DOCK3: variants seen among roughly 807,000 people sequenced by gnomAD.
DOCK3 encodes the protein dedicator of cytokinesis protein 3.
Under a neutral mutation model 265.6 loss-of-function variants are expected in DOCK3, and 60 were observed. The observed-to-expected ratio is 0.23, with a 90% CI of 0.18 to 0.28. DOCK3 has a LOEUF of 0.28. DOCK3 is among the 10% of genes least tolerant of loss of function. The probability of loss-of-function intolerance (pLI) is 1.00; values close to 1 mark genes in which losing one functional copy is unlikely to be tolerated. For missense variants in DOCK3, 1,981 were observed against 2,594.3 expected (o/e 0.76, Z 5.14); for synonymous variants, 881 against 938.0 (o/e 0.94, Z 1.11).
At chr3:51,369,762 A>AT (rs991771216) in intron 49 of DOCK3, among the ~76,000 whole-genome samples, 1 of 152,176 alleles carries the variant, frequency 6.6e-6, no homozygotes, top group Non-Finnish European at 1.5e-5. Context: ...GCCTTGGCAG[A>AT]TTGTAGAGGG....
intron 4 of DOCK3, among the ~76,000 whole-genome samples, chr3:50,892,140 C>T (rs555286672): frequency 6.6e-6 from 1 of 152,128 alleles, no homozygotes; most frequent in South Asian, 2.1e-4. Flanking sequence ...ATTGGTTGGG[C>T]AAGATCTTGA....
intron 9 of DOCK3, among the ~76,000 whole-genome samples, chr3:51,122,624 G>C (rs1266625004): frequency 6.6e-6 from 1 of 152,114 alleles, no homozygotes; most frequent in Non-Finnish European, 1.5e-5. Context: ...TATTGATAAG[G>C]CTGAGCACCC....
intron 9 of DOCK3, 22 bp from the exon 10 acceptor site, chr3:51,146,527 A>G: frequency 1.3e-6 from 2 of 1,573,272 alleles, no homozygotes; most frequent in East Asian, 2.3e-5. Flanking sequence ...ATTTCTCTAT[A>G]TCTTTCTTTC....
intron 12 of DOCK3, among the ~76,000 whole-genome samples, chr3:51,204,907 A>G (rs1337706912): frequency 2.0e-5 from 3 of 152,066 alleles, no homozygotes; most frequent in Admixed American, 2.0e-4. Context: ...TCAGTAAACT[A>G]TCGCAAGAAC....
At chr3:51,262,065 T>C (rs1382735879) in intron 23 of DOCK3, among the ~76,000 whole-genome samples, 2 of 152,242 alleles carry the variant, frequency 1.3e-5, no homozygotes, top group African/African-American at 4.8e-5. Context: ...CGAGCTCTGC[T>C]AAGGGACAGA....
chr3:50,905,743 A>G (rs1370340869), intron 4 of DOCK3, among the ~76,000 whole-genome samples: 1 of 152,052 alleles, frequency 6.6e-6, no homozygotes, highest in Non-Finnish European at 1.5e-5. Context: ...TCCTAATTGA[A>G]TGCCCTTTAT....
chr3:51,314,103 A>T (rs1033068777), intron 31 of DOCK3, among the ~76,000 whole-genome samples: 2 of 152,176 alleles, frequency 1.3e-5, no homozygotes, highest in African/African-American at 4.8e-5. Context: ...TTATCTCCTC[A>T]ATAGTCTCTG....
At chr3:51,236,292 TTGTGCGTGTAAG>T in intron 19 of DOCK3, 41 bp from the exon 20 acceptor site, 2 of 1,320,590 alleles carry the variant, frequency 1.5e-6, no homozygotes, top group Admixed American at 3.5e-5. Flanking sequence ...TTATGGAAGT[TTGTGCGTGTAAG>T]GTCCTGAGAC....
intron 4 of DOCK3, among the ~76,000 whole-genome samples, chr3:50,905,203 C>T (rs900863871): frequency 7.2e-5 from 11 of 152,082 alleles, no homozygotes; most frequent in Admixed American, 1.3e-4. Flanking sequence ...TGTGATGCCT[C>T]CAGCTTTGTT....
At chr3:50,850,201 C>T (rs1377701561) in intron 3 of DOCK3, among the ~76,000 whole-genome samples, 1 of 151,464 alleles carries the variant, frequency 6.6e-6, no homozygotes, top group Non-Finnish European at 1.5e-5. Flanking sequence ...GCCAACATGG[C>T]AAAACAGAAA....
intron 3 of DOCK3, among the ~76,000 whole-genome samples, chr3:50,863,666 T>G (rs928207357): frequency 6.6e-6 from 1 of 152,212 alleles, no homozygotes; most frequent in Non-Finnish European, 1.5e-5. Context: ...GTCTTCTTTC[T>G]GAGAAGAGCT....
chr3:51,174,884 T>C (rs979487939), intron 12 of DOCK3, among the ~76,000 whole-genome samples: 2 of 152,240 alleles, frequency 1.3e-5, no homozygotes, highest in Admixed American at 1.3e-4. Context: ...TGGGCCTCTT[T>C]CCAGGAGTTC....
At chr3:51,001,618 G>A (rs1014396858) in intron 5 of DOCK3, among the ~76,000 whole-genome samples, 5 of 152,076 alleles carry the variant, frequency 3.3e-5, no homozygotes, top group African/African-American at 4.8e-5. Context: ...CACAAATACC[G>A]TGTGTATGTA....
chr3:50,859,507 C>T (rs575922597), intron 3 of DOCK3, among the ~76,000 whole-genome samples: 5 of 152,134 alleles, frequency 3.3e-5, no homozygotes, highest in African/African-American at 4.8e-5. Context: ...TGAGCCACTG[C>T]GCCCGGCCCG....
chr3:51,193,663 AATTT>A (rs1184712410), intron 12 of DOCK3, among the ~76,000 whole-genome samples: 9 of 151,592 alleles, frequency 5.9e-5, no homozygotes, highest in Non-Finnish European at 1.0e-4. Flanking sequence ...TGTTTTTAGG[AATTT>A]ATTTATTTTC....
intron 1 of DOCK3, among the ~76,000 whole-genome samples, chr3:50,753,807 C>T (rs983552425): frequency 6.6e-5 from 10 of 152,120 alleles, no homozygotes; most frequent in African/African-American, 2.2e-4. Flanking sequence ...GGTGGCAGCT[C>T]ATCAGTTGTA....
At chr3:51,250,916 A>G (rs1161830974) in intron 22 of DOCK3, among the ~76,000 whole-genome samples, 1 of 152,200 alleles carries the variant, frequency 6.6e-6, no homozygotes, top group Non-Finnish European at 1.5e-5. Context: ...CATGTGCACA[A>G]CGTGCAGGTT....
intron 22 of DOCK3, among the ~76,000 whole-genome samples, chr3:51,249,150 T>TG (rs1170918608): frequency 1.3e-4 from 11 of 81,906 alleles, no homozygotes; most frequent in African/African-American, 2.6e-4. Flanking sequence ...GGGAGGGAGG[T>TG]GGGGGGGTCA....
intron 29 of DOCK3, among the ~76,000 whole-genome samples, 179 bp from the exon 30 acceptor site, chr3:51,312,297 A>G (rs2083112792): frequency 6.6e-6 from 1 of 152,240 alleles, no homozygotes; most frequent in Non-Finnish European, 1.5e-5. Context: ...AATTGGCTTC[A>G]GAAGGAGTTA....
Sources: allele counts gnomAD v4.1 joint callset (sites outside exome capture counted in the v4.1 genomes callset), GRCh38; gene constraint gnomAD v4.1.1; transcripts MANE v1.5; gene names NCBI Gene and HGNC (gene_info 2026-07-23, HGNC 2026-07-21).